KIRREL3: variants seen among roughly 807,000 people sequenced by gnomAD.
The protein encoded by KIRREL3 is kirre like nephrin family adhesion molecule 3.
KIRREL3 carries 36 observed loss-of-function variants against 89.7 expected under a neutral mutation model. That is an observed-to-expected ratio of 0.40 (90% CI 0.31 to 0.53). The LOEUF (loss-of-function observed/expected upper bound fraction) is 0.53. Ranked by LOEUF, KIRREL3 falls within the 20% of genes least tolerant of loss-of-function variation. KIRREL3 has a pLI of 0.49. For missense variants in KIRREL3, 864 were observed against 1,056.6 expected (o/e 0.82, Z 2.53); for synonymous variants, 445 against 441.4 (o/e 1.01, Z -0.10).
intron 1 of KIRREL3, among the ~76,000 whole-genome samples, chr11:126,865,465 G>A (rs1944888271): frequency 6.6e-6 from 1 of 152,228 alleles, no homozygotes; most frequent in Non-Finnish European, 1.5e-5. Context: ...GCAGACTCGG[G>A]TTATCGAAGC....
rs1291895168 is a variant in KIRREL3, at chr11:126,566,179, G to C, written c.56-3267C>G. On this transcript the variant is annotated intron_variant, in intron 1 of 16. Coordinates refer to ENST00000525144, the MANE Select transcript of KIRREL3 (RefSeq NM_032531.4). This position sits in a 1 kb window ranked among gnomAD's most constrained non-coding sequence, Gnocchi z 4.9. Reference sequence around the variant, plus strand: ...AAAGGAGTCAGCCCTGGCTTAAAAGGAAAGTTCATAGCAAGGAAGTCCAGG... The same window carrying C: ...AAAGGAGTCAGCCCTGGCTTAAAAGCAAAGTTCATAGCAAGGAAGTCCAGG... Among the ~76,000 whole-genome samples the C allele has an allele frequency of 6.6e-6, 1 of 152,196 alleles. No homozygotes were observed. The highest frequency in any genetic ancestry group is 2.4e-5 in the African/African-American group (1 of 41,436).
At chr11:126,499,151 C>CAA (rs33937623) in intron 4 of KIRREL3, among the ~76,000 whole-genome samples, 49,825 of 129,058 alleles carry the variant, frequency 0.39, 10,285 homozygotes, top group Admixed American at 0.45. Context: ...GACTCCGTTT[C>CAA]AAAAAAAAAA....
intron 2 of KIRREL3, among the ~76,000 whole-genome samples, chr11:126,554,522 C>A (rs1939554858): frequency 6.6e-6 from 1 of 152,150 alleles, no homozygotes. Context: ...GCCAATGTTT[C>A]TTTTAAAAGT....
intron 1 of KIRREL3, among the ~76,000 whole-genome samples, chr11:126,894,542 C>CAAAAAAAAAAAAAAAAAAAAAAAAAA (rs10630231): frequency 5.7e-5 from 1 of 17,480 alleles, no homozygotes; most frequent in Non-Finnish European, 9.3e-5. Flanking sequence ...GACCTCATCT[C>CAAAAAAAAAAAAAAAAAAAAAAAAAA]AAAAAAAAAA....
At chr11:126,473,562 A>G in intron 4 of KIRREL3, 96 bp from the exon 5 acceptor site, 4 of 1,030,562 alleles carry the variant, frequency 3.9e-6, no homozygotes, top group East Asian at 2.6e-5. Context: ...GCAACAAACA[A>G]TAATTATCAC....
Position 126,766,693 on chromosome 11 carries a change from C to A in KIRREL3, c.56-203781G>T, listed in dbSNP as rs1324835820. The stretch of plus-strand genomic sequence containing the variant: ...CTGGGGCTTTGATAATCTCAATAGG[C>A]ACTTACAGAATTGACTTTTCTGCCT... On this transcript the variant is annotated intron_variant, in intron 1 of 16. Transcript: ENST00000525144. The surrounding 1 kb of genome is among the most constrained non-coding windows in gnomAD (Gnocchi z 4.2). Among the ~76,000 whole-genome samples the A allele has an allele frequency of 1.3e-5, 2 of 152,146 alleles. No homozygotes were observed. Among genetic ancestry groups the A allele is most frequent in the Non-Finnish European group, 2.9e-5 (2 of 68,022 alleles).
In KIRREL3 at chr11:126,542,001, C is replaced by T. The variant is rs74938698; in HGVS notation, c.134-15314G>A. ...CGCGGGAAGGACCGAGTCCTGCCCT[C>T]GGCAGCCCTGCAGCGGGCCCTCAGG... On this transcript the variant is annotated intron_variant, in intron 2 of 16. Coordinates refer to ENST00000525144, the MANE Select transcript of KIRREL3 (RefSeq NM_032531.4). Among the ~76,000 whole-genome samples, 8 of 152,296 alleles carry T rather than the reference C, an allele frequency of 5.3e-5. No individual in the cohort carries two copies. In the East Asian group the frequency reaches 5.8e-4, roughly 11 times the overall value.
rs541484222 is a variant in KIRREL3 at position 126,429,277 on chromosome 11, C to T, written c.1708G>A (p.Val570Ile). ...CARSQRNLKG[V>I]VSAKNDIRVE... Reference sequence around the variant, plus strand: ...CGGATATCATTTTTGGCTGACACAACACCTTTGAGATCTGGAGATAAAATA... The same window carrying T: ...CGGATATCATTTTTGGCTGACACAATACCTTTGAGATCTGGAGATAAAATA... The change falls in exon 15 of 17, where the codon GTT becomes ATT. Residue 570 changes from valine to isoleucine, a missense_variant. By Grantham distance (29) the Val-to-Ile change is conservative. Coordinates refer to ENST00000525144, the MANE Select transcript of KIRREL3 (RefSeq NM_032531.4). The surrounding 1 kb of genome is among the most constrained non-coding windows in gnomAD (Gnocchi z 5.2). The T allele has an allele frequency of 1.2e-6, 2 of 1,611,212 alleles. No homozygotes were observed. The highest frequency in any genetic ancestry group is 2.2e-5 in the East Asian group (1 of 44,864).
Position 127,000,667 on chromosome 11 carries a change from G to T in KIRREL3, c.-158C>A. Reference sequence around the variant, plus strand: ...CTCCGGGTGGCTTCGGTCTCTTTGTGCCTCTGGGTATCTGCAGCCAGCCGA... The same window carrying T: ...CTCCGGGTGGCTTCGGTCTCTTTGTTCCTCTGGGTATCTGCAGCCAGCCGA... On this transcript the variant is annotated 5_prime_UTR_variant, in exon 1 of 17. Coordinates refer to ENST00000525144, the MANE Select transcript of KIRREL3 (RefSeq NM_032531.4). The surrounding 1 kb of genome is among the most constrained non-coding windows in gnomAD (Gnocchi z 7.1). 2 of 620,876 alleles carry T rather than the reference G, an allele frequency of 3.2e-6. No individual in the cohort carries two copies. The highest frequency in any genetic ancestry group is 5.5e-6 in the Non-Finnish European group (2 of 362,532). The allele number at this position is 620,876 out of a possible 1,614,324, so 38.5% of individuals were successfully genotyped here.
chr11:126,851,376 C>G (rs1235210111), intron 1 of KIRREL3, among the ~76,000 whole-genome samples: 1 of 152,146 alleles, frequency 6.6e-6, no homozygotes, highest in Non-Finnish European at 1.5e-5. Flanking sequence ...GTGACTGAGT[C>G]CATGCAGGGA....
chr11:126,789,051 G>T (rs1950563113), intron 1 of KIRREL3, among the ~76,000 whole-genome samples: 1 of 152,066 alleles, frequency 6.6e-6, no homozygotes, highest in Non-Finnish European at 1.5e-5. Flanking sequence ...CTCTGTCACT[G>T]CATGCGATGA....
chr11:126,444,901 G>A lies in KIRREL3; in HGVS notation c.1252+78C>T, dbSNP rs1955729893. 2.5e-6 allele frequency: 4 copies of A among 1,584,988 alleles called. No homozygotes were observed. In the African/African-American group the frequency reaches 4.0e-5, roughly 16 times the overall value. On this transcript the variant is annotated intron_variant, in intron 10 of 16. Coordinates refer to ENST00000525144, the MANE Select transcript of KIRREL3 (RefSeq NM_032531.4). ...GCCCAGAGCCAGCGACAGCTCCTTT[G>A]GGGCTATGCCTGGTGCCAAGATGCC...
intron 1 of KIRREL3, among the ~76,000 whole-genome samples, chr11:126,941,247 T>C (rs1197154578): frequency 3.3e-5 from 5 of 151,158 alleles, no homozygotes; most frequent in African/African-American, 1.2e-4. Flanking sequence ...CCAGCAGTTA[T>C]AGTAAAAACA....
intron 1 of KIRREL3, among the ~76,000 whole-genome samples, chr11:126,967,935 T>C (rs1949320655): frequency 6.6e-6 from 1 of 152,178 alleles, no homozygotes. Context: ...TGAGAAATCT[T>C]GTCAGATTTA....
intron 1 of KIRREL3, among the ~76,000 whole-genome samples, chr11:126,713,477 A>G (rs901171367): frequency 5.3e-5 from 8 of 152,172 alleles, no homozygotes; most frequent in African/African-American, 1.9e-4. Flanking sequence ...GCCTCAAGGT[A>G]TGTAGGAAGA....
Position 126,515,499 on chromosome 11 carries a change from G to T in KIRREL3, c.433+5816C>A, listed in dbSNP as rs1306539235. Among the ~76,000 whole-genome samples, 1 of 152,178 alleles carries T rather than the reference G, an allele frequency of 6.6e-6. No individual in the cohort carries two copies. The highest frequency in any genetic ancestry group is 1.5e-5 in the Non-Finnish European group (1 of 68,028). ...AAAAGGACCACAGGGGGACAGTCAG[G>T]CCATGTGGGCTCCAGAGAAGGCTTC... On this transcript the variant is annotated intron_variant, in intron 4 of 16. Transcript: ENST00000525144. This position sits in a 1 kb window ranked among gnomAD's most constrained non-coding sequence, Gnocchi z 4.2.
intron 1 of KIRREL3, among the ~76,000 whole-genome samples, chr11:126,831,435 T>TTC (rs5795530): frequency 2.1e-4 from 31 of 149,936 alleles, no homozygotes; most frequent in Admixed American, 4.0e-4. Flanking sequence ...CTCTCTCTCT[T>TTC]TCTCTCTCTC....
At chr11:126,749,273 A>G (rs913802502) in intron 1 of KIRREL3, among the ~76,000 whole-genome samples, 8 of 152,176 alleles carry the variant, frequency 5.3e-5, no homozygotes, top group African/African-American at 1.4e-4. Flanking sequence ...TTTCTCAACT[A>G]TATAAATTTG....
In KIRREL3 at chr11:126,526,834, C is replaced by T. The variant is rs1050075995; in HGVS notation, c.134-147G>A. 5.8e-6 allele frequency: 5 copies of T among 863,744 alleles called. No individual in the cohort carries two copies. Among genetic ancestry groups the T allele is most frequent in the African/African-American group, 1.7e-5 (1 of 58,720 alleles). 53.5% of individuals were successfully genotyped at this position (863,744 alleles called of 1,614,324 possible). A position where few individuals can be genotyped will look rare whatever the true frequency, so the allele number is the denominator to read the frequency against. On this transcript the variant is annotated intron_variant, in intron 2 of 16. Transcript: ENST00000525144. This position sits in a 1 kb window ranked among gnomAD's most constrained non-coding sequence, Gnocchi z 5.7. ...CTTTCCTGCTGAGGGTCTGGTAGAG[C>T]TTCCTAACTGGTCTCAGCCCCAGCT... is the stretch of plus-strand genomic sequence containing the variant.
Sources: gnomAD v4.1 joint callset for allele counts (sites outside exome capture counted in the v4.1 genomes callset) on GRCh38, gnomAD v4.1.1 for gene constraint, Gnocchi (gnomAD v3.1) non-coding constraint, MANE v1.5 for transcripts, NCBI Gene and HGNC (gene_info 2026-07-23, HGNC 2026-07-21) for gene names.